The following DNAH9 variants were observed in gnomAD, a reference collection of about 807,000 sequenced individuals.
The protein encoded by DNAH9 is dynein axonemal heavy chain 9.
A neutral mutation model predicts 471.6 loss-of-function variants in DNAH9; 345 were observed. The observed-to-expected ratio is 0.73, with a 90% CI of 0.67 to 0.80. The LOEUF is 0.80. Ranked by LOEUF, DNAH9 falls within the 30% of genes least tolerant of loss-of-function variation. The pLI is 0.00. For synonymous variants in DNAH9, 2,093 were observed against 2,123.6 expected (o/e 0.99, Z 0.40); for missense variants, 5,407 against 5,609.2 (o/e 0.96, Z 1.15).
chr17:11,753,054 A>T, intron 33 of DNAH9, 94 bp downstream of exon 33: 1 of 1,056,334 alleles, frequency 9.5e-7, no homozygotes, highest in Non-Finnish European at 1.3e-6. Flanking sequence ...TAGATTCCAC[A>T]TGATGGCTGG....
rs183599457 is a variant in DNAH9 at position 11,645,100 on chromosome 17, G to A, written c.1970+401G>A. Among the ~76,000 whole-genome samples, 15 of 152,312 alleles carry A rather than the reference G, an allele frequency of 9.8e-5. No individual in the cohort carries two copies. The East Asian group carries it at 2.9e-3, about 29-fold the overall frequency. Reference sequence around the variant, plus strand: ...ATCATTTTATTGAGAAAGCATAAGAGTGAAAATTTTATATGACTTCAAAGT... The same window carrying A: ...ATCATTTTATTGAGAAAGCATAAGAATGAAAATTTTATATGACTTCAAAGT... On this transcript the variant is annotated intron_variant, in intron 11 of 68. Transcript: ENST00000262442.
At chr17:11,918,428 A>T (rs1974028035) in intron 61 of DNAH9, among the ~76,000 whole-genome samples, 1 of 152,004 alleles carries the variant, frequency 6.6e-6, no homozygotes, top group Non-Finnish European at 1.5e-5. Flanking sequence ...GATGGGTCTC[A>T]CTGTGTTGCC....
chr17:11,915,687 A>T (rs1263588240), intron 61 of DNAH9, among the ~76,000 whole-genome samples: 3 of 152,198 alleles, frequency 2.0e-5, no homozygotes, highest in Non-Finnish European at 4.4e-5. Flanking sequence ...AACCTAGGAC[A>T]TTGGCACAAA....
chr17:11,883,865 C>T (rs1972802837), intron 56 of DNAH9, 115 bp downstream of exon 56: 8 of 1,168,280 alleles, frequency 6.8e-6, no homozygotes. Flanking sequence ...TAACACATGG[C>T]TTTTCTGTCT....
chr17:11,905,801 A>C lies in DNAH9; in HGVS notation c.11741A>C (p.Glu3914Ala). 1 of 1,606,328 alleles carries C rather than the reference A, an allele frequency of 6.2e-7. No individual in the cohort carries two copies. The highest frequency in any genetic ancestry group is 8.5e-7 in the Non-Finnish European group (1 of 1,175,474). ...SPGVDPLKDV[E>A]SQGRKLGYTF... The stretch of plus-strand genomic sequence containing the variant: ...GGGGTGGACCCACTGAAGGATGTAG[A>C]AAGTCAAGGTGAGAAAGGCGTCCTC... Residue 3914 changes from glutamate (E) to alanine (A), a missense_variant, in exon 61 of 69, where the codon GAA becomes GCA. Around this residue, in one of 3 missense-constraint regions of DNAH9, gnomAD observed 4,636 missense variants for 4,900.3 expected, o/e 0.95. Transcript: ENST00000262442.
At chr17:11,791,412 G>GA (rs2150906330) in intron 41 of DNAH9, among the ~76,000 whole-genome samples, 1 of 152,226 alleles carries the variant, frequency 6.6e-6, no homozygotes, top group East Asian at 1.9e-4. Context: ...CCTGTATAAA[G>GA]AAAAAATAAT....
intron 12 of DNAH9, among the ~76,000 whole-genome samples, chr17:11,647,605 G>T (rs959227317): frequency 2.0e-5 from 3 of 152,142 alleles, no homozygotes; most frequent in Non-Finnish European, 2.9e-5. Flanking sequence ...AACAAACATA[G>T]CCCACTGGGC....
intron 63 of DNAH9, among the ~76,000 whole-genome samples, chr17:11,930,852 A>G (rs1474972185): frequency 1.3e-5 from 2 of 151,938 alleles, no homozygotes; most frequent in Non-Finnish European, 2.9e-5. Context: ...TGAACCCTCC[A>G]GGAGATTCTT....
intron 67 of DNAH9, among the ~76,000 whole-genome samples, chr17:11,945,588 G>T (rs117883984): frequency 6.6e-6 from 1 of 151,494 alleles, no homozygotes; most frequent in Non-Finnish European, 1.5e-5. Context: ...GGAGCTAAAC[G>T]ATGGGAATAC....
At chr17:11,600,822 A>T (rs906807260) in intron 1 of DNAH9, among the ~76,000 whole-genome samples, 7 of 152,206 alleles carry the variant, frequency 4.6e-5, no homozygotes, top group Admixed American at 2.0e-4. Context: ...GTGGCAAAAA[A>T]AACACATGAC....
At chr17:11,908,899 C>T (rs1973694724) in intron 61 of DNAH9, among the ~76,000 whole-genome samples, 1 of 152,148 alleles carries the variant, frequency 6.6e-6, no homozygotes, top group Non-Finnish European at 1.5e-5. Context: ...CCAGTGAAGT[C>T]CTCTGGTGAG....
intron 36 of DNAH9, among the ~76,000 whole-genome samples, chr17:11,767,938 T>C (rs185297465): frequency 9.3e-4 from 142 of 152,112 alleles, no homozygotes; most frequent in African/African-American, 3.1e-3. Flanking sequence ...GACGAGGAGA[T>C]TGAGGCATAG....
At chr17:11,874,229 A>G (rs1382435208) in intron 52 of DNAH9, among the ~76,000 whole-genome samples, 2 of 140,918 alleles carry the variant, frequency 1.4e-5, no homozygotes, top group African/African-American at 5.4e-5. Flanking sequence ...TGTGTGACAG[A>G]GCAAGATTCC....
chr17:11,930,756 C>G (rs1038126921), intron 63 of DNAH9, among the ~76,000 whole-genome samples: 13 of 67,658 alleles, frequency 1.9e-4, no homozygotes, highest in Non-Finnish European at 3.5e-4. Flanking sequence ...CAGAGTGAGA[C>G]TCCATCTCCA....
intron 67 of DNAH9, among the ~76,000 whole-genome samples, chr17:11,948,145 T>C (rs1181024410): frequency 6.6e-6 from 1 of 151,974 alleles, no homozygotes; most frequent in African/African-American, 2.4e-5. Context: ...CCCCTCCTGA[T>C]TGACAAAATC....
chr17:11,816,027 G>A (rs974666836), intron 45 of DNAH9, among the ~76,000 whole-genome samples: 1 of 152,002 alleles, frequency 6.6e-6, no homozygotes, highest in African/African-American at 2.4e-5. Flanking sequence ...TCTTTGTCTG[G>A]ATTAACTTCT....
chr17:11,828,366 G>C (rs1459929674), intron 48 of DNAH9, among the ~76,000 whole-genome samples: 3 of 151,574 alleles, frequency 2.0e-5, no homozygotes, highest in Non-Finnish European at 2.9e-5. Flanking sequence ...CCAGCTACTC[G>C]GGAGGCTTAA....
At chr17:11,615,520 G>A (rs998813996) in intron 4 of DNAH9, among the ~76,000 whole-genome samples, 10 of 151,998 alleles carry the variant, frequency 6.6e-5, no homozygotes, top group Non-Finnish European at 1.5e-4. Context: ...AGGAGGCAGA[G>A]GTTGCAGTGA....
chr17:11,628,212 CAA>C (rs1179554087), intron 6 of DNAH9, among the ~76,000 whole-genome samples: 1 of 152,212 alleles, frequency 6.6e-6, no homozygotes, highest in Non-Finnish European at 1.5e-5. Context: ...TAGATACTCA[CAA>C]GAGATAAATT....
Sources: allele counts gnomAD v4.1 joint callset (sites outside exome capture counted in the v4.1 genomes callset), GRCh38; gene constraint gnomAD v4.1.1; regional missense constraint gnomAD v4.1.1; transcripts MANE v1.5; gene names NCBI Gene and HGNC (gene_info 2026-07-23, HGNC 2026-07-21).